The following ZNF571 variants were observed in gnomAD, a reference collection of about 807,000 sequenced individuals.
ZNF571 encodes the protein zinc finger protein 571.
A neutral mutation model predicts 7.7 loss-of-function variants in ZNF571; 4 were observed. The observed-to-expected ratio is 0.52, with a 90% confidence interval of 0.25 to 1.18. The LOEUF is 1.18. Ranked by LOEUF, ZNF571 falls within the 50% of genes most tolerant of loss-of-function variation. ZNF571 has a pLI of 0.14. For missense variants in ZNF571, 704 were observed against 726.9 expected (o/e 0.97, Z 0.36); for synonymous variants, 251 against 232.4 (o/e 1.08, Z -0.73).
At position 37,566,306 on chromosome 19, in the gene ZNF571, G is replaced by T. The variant is rs573767781; in HGVS notation, c.137-15C>A. 1.9e-6 allele frequency: 3 copies of T among 1,571,586 alleles called. No individual in the cohort carries two copies. Among genetic ancestry groups the T allele is most frequent in the Admixed American group, 4.0e-5 (2 of 49,686 alleles). Reference sequence around the variant, plus strand: ...GGATTCCAAGTCTGTAGAATAAAAAGAAAGCAAATTCCTGCTTTTGTTTAC... The same window carrying T: ...GGATTCCAAGTCTGTAGAATAAAAATAAAGCAAATTCCTGCTTTTGTTTAC... On this transcript the variant is annotated splice_polypyrimidine_tract_variant and intron_variant, in intron 3 of 3. Coordinates refer to ENST00000451802, the MANE Select transcript of ZNF571 (RefSeq NM_016536.5).
intron 3 of ZNF571, chr19:37,575,809 T>C (rs1288948416): frequency 6.6e-6 from 1 of 152,192 alleles, no homozygotes; most frequent in Non-Finnish European, 1.5e-5. Context: ...AAGCAAACTG[T>C]AGCTGAGCTG....
At chr19:37,593,409 A>G (rs979260315) in intron 1 of ZNF571, among the ~76,000 whole-genome samples, 6 of 152,194 alleles carry the variant, frequency 3.9e-5, no homozygotes, top group Non-Finnish European at 8.8e-5. Flanking sequence ...TTTTTCATCA[A>G]AACCTTAGAC....
Position 37,565,818 on chromosome 19 carries a change from A to C in ZNF571, c.610T>G (p.Phe204Val), listed in dbSNP as rs199648999. ...TGAATGAGATCAGAAGTACGACCAA[A>C]GGCCTTTCCACATTCCATACACTCA... ...PYECMECGKAFGRTSDLIQHQ... is the reference protein window; with the variant it reads ...PYECMECGKAVGRTSDLIQHQ... Residue 204 changes from phenylalanine to valine, a missense_variant, in exon 4 of 4, where the codon TTT (phenylalanine) becomes GTT (valine). Coordinates refer to ENST00000451802, the MANE Select transcript of ZNF571 (RefSeq NM_016536.5). The C allele has an allele frequency of 5.6e-6, 9 of 1,613,762 alleles. No individual in the cohort carries two copies. Among genetic ancestry groups the C allele is most frequent in the Non-Finnish European group, 6.8e-6 (8 of 1,179,794 alleles).
At chr19:37,574,472 G>A (rs75907098) in intron 3 of ZNF571, among the ~76,000 whole-genome samples, 3,956 of 152,162 alleles carry the variant, frequency 0.026, 182 homozygotes, top group African/African-American at 0.089. Context: ...TTCCCCAAAT[G>A]ACTATGCCAC....
intron 3 of ZNF571, among the ~76,000 whole-genome samples, chr19:37,583,069 CCTT>C (rs958356433): frequency 6.6e-6 from 1 of 152,210 alleles, no homozygotes; most frequent in African/African-American, 2.4e-5. Context: ...GCCACACTGG[CCTT>C]CTTGCTGATT....
At chr19:37,577,538 T>C (rs2043284822) in intron 3 of ZNF571, among the ~76,000 whole-genome samples, 1 of 152,202 alleles carries the variant, frequency 6.6e-6, no homozygotes. Context: ...TAATCCTTTA[T>C]ACCTTTTATG....
chr19:37,564,386 T>A lies in ZNF571; in HGVS notation c.*212A>T. 1 of 393,278 alleles carries A rather than the reference T, an allele frequency of 2.5e-6. No homozygotes were observed. The highest frequency in any genetic ancestry group is 4.5e-6 in the Non-Finnish European group (1 of 224,056). The allele number at this position is 393,278 out of a possible 1,614,324, so 24.4% of individuals were successfully genotyped here. Reference sequence around the variant, plus strand: ...TTAGGATATGGTGAAATGGAGATGATGCTTAATAAAGGATATAATTCAGCA... The same window carrying A: ...TTAGGATATGGTGAAATGGAGATGAAGCTTAATAAAGGATATAATTCAGCA... On this transcript the variant is annotated 3_prime_UTR_variant, in exon 4 of 4. Transcript: ENST00000451802.
chr19:37,581,129 TGGGAAAAAGACAA>T lies in ZNF571; in HGVS notation c.136+2829_136+2841del, dbSNP rs2043443080. Among the ~76,000 whole-genome samples the T allele has an allele frequency of 2.0e-5, 3 of 152,190 alleles. No individual in the cohort carries two copies. The South Asian group carries it at 6.2e-4, about 32-fold the overall frequency. Reference sequence around the variant, plus strand: ...GAAGCCTTAAAACGTGAGACCCCCTTGGGAAAAAGACAAGCTAAAATTTATTCACATCTTTCAC... The same window carrying T: ...GAAGCCTTAAAACGTGAGACCCCCTTGCTAAAATTTATTCACATCTTTCAC... On this transcript the variant is annotated intron_variant, in intron 3 of 3. Coordinates refer to ENST00000451802, the MANE Select transcript of ZNF571 (RefSeq NM_016536.5).
intron 3 of ZNF571, among the ~76,000 whole-genome samples, chr19:37,566,674 C>T (rs761696425): frequency 4.6e-5 from 7 of 152,130 alleles, no homozygotes; most frequent in Non-Finnish European, 8.8e-5. Flanking sequence ...CCTCTACTAC[C>T]ACCATCCTAG....
intron 1 of ZNF571, among the ~76,000 whole-genome samples, chr19:37,589,503 G>A (rs977422480): frequency 6.6e-6 from 1 of 151,444 alleles, no homozygotes; most frequent in African/African-American, 2.4e-5. Flanking sequence ...AAAAGTCAAC[G>A]GTCATTCAAC....
chr19:37,576,314 T>C (rs2043240992), intron 3 of ZNF571, among the ~76,000 whole-genome samples: 1 of 152,200 alleles, frequency 6.6e-6, no homozygotes, highest in Non-Finnish European at 1.5e-5. Context: ...CATATAACTC[T>C]ATAAACAAAT....
chr19:37,567,810 T>C (rs2042913424), intron 3 of ZNF571: 2 of 152,206 alleles, frequency 1.3e-5, no homozygotes, highest in South Asian at 4.1e-4. Flanking sequence ...AATTCTAAAA[T>C]TTCATTTATT....
At chr19:37,585,502 A>C (rs1168653823) in intron 2 of ZNF571, 1 of 152,190 alleles carries the variant, frequency 6.6e-6, no homozygotes, top group African/African-American at 2.4e-5. Context: ...AGCAATGACC[A>C]ACAAAGCAAT....
rs1202155627 is a variant in ZNF571, at chr19:37,569,601, G to A, written c.137-3310C>T. Among the ~76,000 whole-genome samples the A allele has an allele frequency of 2.0e-5, 3 of 152,032 alleles. No homozygotes were observed. The highest frequency in any genetic ancestry group is 2.0e-4 in the Admixed American group (3 of 15,250). ...TGTTTTATTAAAAACAACAAGTGCT[G>A]CTTATAACCTACTAGGTTGTATTCA... On this transcript the variant is annotated intron_variant, in intron 3 of 3. Coordinates refer to ENST00000451802, the MANE Select transcript of ZNF571 (RefSeq NM_016536.5). The surrounding 1 kb of genome is among the most constrained non-coding windows in gnomAD (Gnocchi z 4.4).
intron 3 of ZNF571, among the ~76,000 whole-genome samples, chr19:37,571,559 C>T (rs1166161808): frequency 1.3e-5 from 2 of 152,136 alleles, no homozygotes; most frequent in African/African-American, 4.8e-5. Flanking sequence ...CCAAACCATA[C>T]ACAAGGTTCC....
chr19:37,580,833 G>A (rs2043430661), intron 3 of ZNF571, among the ~76,000 whole-genome samples: 1 of 152,180 alleles, frequency 6.6e-6, no homozygotes, highest in Non-Finnish European at 1.5e-5. Context: ...CATGCTTCTT[G>A]TACAACCTGC....
chr19:37,583,225 C>T (rs2043536695), intron 3 of ZNF571, among the ~76,000 whole-genome samples: 1 of 152,172 alleles, frequency 6.6e-6, no homozygotes, highest in Non-Finnish European at 1.5e-5. Context: ...TCCTCCTAAC[C>T]TATGAACGTA....
intron 3 of ZNF571, among the ~76,000 whole-genome samples, chr19:37,582,837 T>C (rs2043520575): frequency 6.6e-6 from 1 of 152,226 alleles, no homozygotes; most frequent in Admixed American, 6.5e-5. Flanking sequence ...ACTTCTGAAC[T>C]AGTCCTCTCA....
At chr19:37,567,098 C>T (rs2042888182) in intron 3 of ZNF571, among the ~76,000 whole-genome samples, 1 of 152,176 alleles carries the variant, frequency 6.6e-6, no homozygotes, top group African/African-American at 2.4e-5. Context: ...CTTGTTCCCT[C>T]ATTTCAGTTT....
Sources: allele counts gnomAD v4.1 joint callset (sites outside exome capture counted in the v4.1 genomes callset), GRCh38; gene constraint gnomAD v4.1.1; non-coding constraint Gnocchi (gnomAD v3.1); transcripts MANE v1.5; gene names NCBI Gene and HGNC (gene_info 2026-07-23, HGNC 2026-07-21).